The following NHLRC2 variants were observed in gnomAD, a reference collection of about 807,000 sequenced individuals.
The protein encoded by NHLRC2 is NHL repeat-containing protein 2.
NHLRC2 carries 33 observed loss-of-function variants against 68.1 expected under a neutral mutation model. That is an observed-to-expected ratio of 0.48 (90% CI 0.37 to 0.65). The LOEUF (loss-of-function observed/expected upper bound fraction) is 0.65. NHLRC2 is among the 30% of genes least tolerant of loss of function. The pLI is 0.00. For missense variants in NHLRC2, 761 were observed against 853.8 expected (o/e 0.89, Z 1.35); for synonymous variants, 311 against 309.6 (o/e 1.00, Z -0.05).
At chr10:113,896,130 T>C (rs1474964995) in intron 5 of NHLRC2, among the ~76,000 whole-genome samples, 1 of 151,974 alleles carries the variant, frequency 6.6e-6, no homozygotes, top group Non-Finnish European at 1.5e-5. Context: ...GATCTAGAAC[T>C]AGAAATACCA....
chr10:113,896,447 A>C (rs1168019475), intron 5 of NHLRC2, among the ~76,000 whole-genome samples: 2 of 145,916 alleles, frequency 1.4e-5, no homozygotes, highest in African/African-American at 5.1e-5. Flanking sequence ...ATTCTCACTC[A>C]TAGGTGGGAA....
chr10:113,898,283 A>G, intron 6 of NHLRC2, 74 bp downstream of exon 6: 4 of 932,374 alleles, frequency 4.3e-6, no homozygotes, highest in Non-Finnish European at 6.9e-6. Context: ...CAAAATCACC[A>G]TCCTCACTGT....
chr10:113,878,940 C>G (rs564335692), intron 3 of NHLRC2, among the ~76,000 whole-genome samples: 1 of 152,306 alleles, frequency 6.6e-6, no homozygotes, highest in East Asian at 1.9e-4. Context: ...AATGGCTTGT[C>G]TGCTGGCCAT....
rs145897318 is a variant in NHLRC2, at chr10:113,912,864, C to G, written c.*4328C>G. ...AAACAAGGGGAAGTAGTGGTGGAGC[C>G]TTTATTCAGGCACGGGTCTCCTCAT... On this transcript the variant is annotated 3_prime_UTR_variant, in exon 11 of 11. Coordinates refer to ENST00000369301, the MANE Select transcript of NHLRC2 (RefSeq NM_198514.4). 126 of 152,266 alleles carry G rather than the reference C, an allele frequency of 8.3e-4. 2 individuals are homozygous for G. Among genetic ancestry groups the G allele is most frequent in the African/African-American group, 2.6e-3 (107 of 41,554 alleles). 9.4% of individuals were successfully genotyped at this position (152,266 alleles called of 1,614,324 possible). A position where few individuals can be genotyped will look rare whatever the true frequency, so the allele number is the denominator to read the frequency against.
At chr10:113,857,300 A>G (rs1294559012) in intron 1 of NHLRC2, among the ~76,000 whole-genome samples, 1 of 152,138 alleles carries the variant, frequency 6.6e-6, no homozygotes, top group Non-Finnish European at 1.5e-5. Flanking sequence ...CAAGTAGGAT[A>G]TGAAATATAC....
In NHLRC2 at chr10:113,911,390, T is replaced by C. The variant is rs1846327447; in HGVS notation, c.*2854T>C. On this transcript the variant is annotated 3_prime_UTR_variant, in exon 11 of 11. Coordinates refer to ENST00000369301, the MANE Select transcript of NHLRC2 (RefSeq NM_198514.4). ...TAACTTTAGCAAAATTCAATGACTA[T>C]GAAAAATAATTTTTTTCTTAACTGT... 4 of 152,108 alleles carry C rather than the reference T, an allele frequency of 2.6e-5. No homozygotes were observed. Among genetic ancestry groups the C allele is most frequent in the Admixed American group, 2.6e-4 (4 of 15,276 alleles). The allele number at this position is 152,108 out of a possible 1,614,324, so 9.4% of individuals were successfully genotyped here.
chr10:113,888,569 A>G (rs1433507055), intron 5 of NHLRC2, among the ~76,000 whole-genome samples: 1 of 152,214 alleles, frequency 6.6e-6, no homozygotes, highest in Non-Finnish European at 1.5e-5. Context: ...TAACCTGACT[A>G]TGCCGTATAG....
chr10:113,862,292 G>C (rs1158762588), intron 2 of NHLRC2, among the ~76,000 whole-genome samples: 3 of 152,100 alleles, frequency 2.0e-5, no homozygotes, highest in Non-Finnish European at 2.9e-5. Flanking sequence ...AAAGGGATGG[G>C]ATGGAGGTGT....
intron 2 of NHLRC2, among the ~76,000 whole-genome samples, chr10:113,872,611 G>A (rs1424315783): frequency 1.3e-5 from 2 of 151,824 alleles, no homozygotes; most frequent in Non-Finnish European, 2.9e-5. Context: ...ACAGGGAAAT[G>A]AGTGTTAATT....
At position 113,909,630 on chromosome 10, in the gene NHLRC2, T is replaced by C. The variant is rs1379167090; in HGVS notation, c.*1094T>C. On this transcript the variant is annotated 3_prime_UTR_variant, in exon 11 of 11. Transcript: ENST00000369301. ...CAAAATATTAAGGCCGAAACAGTGATTTAATGATACTATTTTTTAATTTTT... is the reference window on the plus strand; with the variant it reads ...CAAAATATTAAGGCCGAAACAGTGACTTAATGATACTATTTTTTAATTTTT... 1.3e-5 allele frequency: 2 copies of C among 152,166 alleles called. No individual in the cohort carries two copies. Among genetic ancestry groups the C allele is most frequent in the African/African-American group, 4.8e-5 (2 of 41,446 alleles). 9.4% of individuals were successfully genotyped at this position (152,166 alleles called of 1,614,324 possible). A position where few individuals can be genotyped will look rare whatever the true frequency, so the allele number is the denominator to read the frequency against.
chr10:113,900,918 T>TCAACA (rs1291988327), intron 6 of NHLRC2, among the ~76,000 whole-genome samples: 2 of 152,038 alleles, frequency 1.3e-5, no homozygotes, highest in African/African-American at 4.8e-5. Context: ...TTCCCTTCCC[T>TCAACA]CAACACAACA....
At chr10:113,883,828 C>T (rs1447470743) in intron 4 of NHLRC2, among the ~76,000 whole-genome samples, 1 of 151,938 alleles carries the variant, frequency 6.6e-6, no homozygotes, top group Non-Finnish European at 1.5e-5. Context: ...TTGGCTTGCT[C>T]ACTATTGGAT....
chr10:113,909,025 A>G lies in NHLRC2; in HGVS notation c.*489A>G, dbSNP rs1416520574. The G allele has an allele frequency of 2.6e-5, 4 of 155,324 alleles. No homozygotes were observed. Among genetic ancestry groups the G allele is most frequent in the African/African-American group, 9.6e-5 (4 of 41,460 alleles). 9.6% of individuals were successfully genotyped at this position (155,324 alleles called of 1,614,324 possible). On this transcript the variant is annotated 3_prime_UTR_variant, in exon 11 of 11. Transcript: ENST00000369301. ...AAGGCATAAAGTCTGTTGTAAGCCA[A>G]AAAAAAGTCTTTTCATCACTGTAGA...
intron 5 of NHLRC2, among the ~76,000 whole-genome samples, chr10:113,891,648 C>G (rs1216818989): frequency 6.6e-6 from 1 of 152,194 alleles, no homozygotes; most frequent in Admixed American, 6.5e-5. Flanking sequence ...AGTGTTAGTG[C>G]TCTACCCTCA....
Position 113,909,456 on chromosome 10 carries a change from GT to G in NHLRC2, c.*927del, listed in dbSNP as rs908687359. ...AGATTTGTTGAGTTTAGGTTTTGAG[GT>G]TTTTTTCGTTCCCATATTCAGAATT... On this transcript the variant is annotated 3_prime_UTR_variant, in exon 11 of 11. Transcript: ENST00000369301. 6 of 151,880 alleles carry G rather than the reference GT, an allele frequency of 4.0e-5. No homozygotes were observed. Among genetic ancestry groups the G allele is most frequent in the Non-Finnish European group, 7.4e-5 (5 of 67,898 alleles). 9.4% of individuals were successfully genotyped at this position (151,880 alleles called of 1,614,324 possible). A position where few individuals can be genotyped will look rare whatever the true frequency, so the allele number is the denominator to read the frequency against.
At chr10:113,865,039 T>A (rs1435082429) in intron 2 of NHLRC2, among the ~76,000 whole-genome samples, 1 of 150,736 alleles carries the variant, frequency 6.6e-6, no homozygotes, top group East Asian at 2.0e-4. Context: ...AAGCTCCGCC[T>A]CCCGGGTTCA....
intron 6 of NHLRC2, among the ~76,000 whole-genome samples, chr10:113,899,586 A>G (rs575495795): frequency 6.6e-6 from 1 of 152,330 alleles, no homozygotes; most frequent in South Asian, 2.1e-4. Flanking sequence ...AGATCAGCAA[A>G]CAATTAAAAG....
At chr10:113,902,842 A>G (rs112151464) in intron 8 of NHLRC2, among the ~76,000 whole-genome samples, 27 of 152,366 alleles carry the variant, frequency 1.8e-4, no homozygotes, top group African/African-American at 6.0e-4. Flanking sequence ...GTGAATTGCA[A>G]CCCATCAAAG....
Position 113,910,857 on chromosome 10 carries a change from C to T in NHLRC2, c.*2321C>T, listed in dbSNP as rs1371595025. ...GAACATTCTTATTCTTACCCACTGC[C>T]AGTCTGCATTGTTTTTTACATTAAA... is the stretch of plus-strand genomic sequence containing the variant. On this transcript the variant is annotated 3_prime_UTR_variant, in exon 11 of 11. Coordinates refer to ENST00000369301, the MANE Select transcript of NHLRC2 (RefSeq NM_198514.4). 2 of 152,122 alleles carry T rather than the reference C, an allele frequency of 1.3e-5. No homozygotes were observed. Among genetic ancestry groups the T allele is most frequent in the African/African-American group, 4.8e-5 (2 of 41,426 alleles). 9.4% of individuals were successfully genotyped at this position (152,122 alleles called of 1,614,324 possible).
Sources: gnomAD v4.1 joint callset for allele counts (sites outside exome capture counted in the v4.1 genomes callset) on GRCh38, gnomAD v4.1.1 for gene constraint, MANE v1.5 for transcripts, NCBI Gene and HGNC (gene_info 2026-07-23, HGNC 2026-07-21) for gene names.